COBL: variants seen among roughly 807,000 people sequenced by gnomAD.
COBL encodes cordon-bleu WH2 repeat protein.
COBL carries 51 observed loss-of-function variants against 98.8 expected under a neutral mutation model. The ratio of observed to expected loss-of-function variants is 0.52; its 90% CI spans 0.41 to 0.65. The LOEUF (loss-of-function observed/expected upper bound fraction) is 0.65, where lower values mean the gene tolerates loss of function less well. Ranked by LOEUF, COBL falls within the 30% of genes least tolerant of loss-of-function variation. COBL has a pLI of 0.00. For synonymous variants in COBL, 634 were observed against 651.7 expected, an observed-to-expected ratio of 0.97 and a Z score of 0.41; for missense variants, 1,617 against 1,617.5, an observed-to-expected ratio of 1.00 and a Z score of 0.01.
At position 51,061,228 on chromosome 7, in the gene COBL, GTT is replaced by G. The variant is rs1791321793; in HGVS notation, c.1097-17538_1097-17537del. 1.1e-4 allele frequency among the ~76,000 whole-genome samples: 17 copies of G among 152,180 alleles called. No individual in the cohort carries two copies. The South Asian group carries it at 3.5e-3, about 32-fold the overall frequency. ...TTCCTTCTCATTTTGTTAAGAATAT[GTT>G]TGTGTGTGTGTGTGTGTATATATGT... On this transcript the variant is annotated intron_variant, in intron 7 of 12. Coordinates refer to ENST00000265136, the MANE Select transcript of COBL (RefSeq NM_015198.5).
intron 6 of COBL, among the ~76,000 whole-genome samples, chr7:51,087,321 T>A (rs894704064): frequency 6.6e-6 from 1 of 152,218 alleles, no homozygotes; most frequent in African/African-American, 2.4e-5. Context: ...CTGAGATGTA[T>A]AATGTATATC....
At chr7:51,242,345 A>G (rs1036440552) in intron 1 of COBL, among the ~76,000 whole-genome samples, 6 of 152,134 alleles carry the variant, frequency 3.9e-5, no homozygotes, top group African/African-American at 1.2e-4. Context: ...GCTCGGGTGC[A>G]CTCCAACCCT....
At chr7:51,091,924 A>T (rs1050263743) in intron 6 of COBL, among the ~76,000 whole-genome samples, 4 of 152,238 alleles carry the variant, frequency 2.6e-5, no homozygotes, top group East Asian at 3.8e-4. Flanking sequence ...AATCAAGGAT[A>T]CTTAAAAACT....
chr7:51,187,163 A>G lies in COBL; in HGVS notation c.686-2964T>C, dbSNP rs537105249. On this transcript the variant is annotated intron_variant, in intron 4 of 12. Transcript: ENST00000265136. The stretch of plus-strand genomic sequence containing the variant: ...GATGAAGGACCCTTAAAGACCAACG[A>G]GTCCAAACCACTCACTTGTCTAGAG... Among the ~76,000 whole-genome samples, 11 of 152,252 alleles carry G rather than the reference A, an allele frequency of 7.2e-5. No individual in the cohort carries two copies. In the East Asian group the frequency reaches 2.1e-3, roughly 29 times the overall value.
At chr7:51,036,560 A>G (rs147626775) in intron 8 of COBL, among the ~76,000 whole-genome samples, 1 of 152,050 alleles carries the variant, frequency 6.6e-6, no homozygotes. Flanking sequence ...ACCTCTCACT[A>G]CAGGCCCTCA....
intron 1 of COBL, among the ~76,000 whole-genome samples, chr7:51,264,523 T>A (rs189251451): frequency 6.6e-6 from 1 of 151,482 alleles, no homozygotes; most frequent in Admixed American, 6.6e-5. Context: ...ATACAAAAAT[T>A]AGCCGGTCTT....
rs556285893 is a variant in COBL, at chr7:51,202,263, T to C, written c.246-8674A>G. ...CTAAGATCTAGGGTAAAAATGAATC[T>C]TCTATCCCTAAAATTGTGAAGAAGA... On this transcript the variant is annotated intron_variant, in intron 2 of 12. Transcript: ENST00000265136. Among the ~76,000 whole-genome samples the C allele has an allele frequency of 1.8e-4, 28 of 152,316 alleles. No individual in the cohort carries two copies. The South Asian group carries it at 4.6e-3, about 25-fold the overall frequency.
intron 7 of COBL, among the ~76,000 whole-genome samples, chr7:51,054,510 T>C (rs1218500204): frequency 1.3e-5 from 2 of 152,130 alleles, no homozygotes; most frequent in Non-Finnish European, 2.9e-5. Context: ...TTTTTTTCCT[T>C]TCTGACTGCC....
intron 1 of COBL, among the ~76,000 whole-genome samples, chr7:51,271,537 T>C (rs10234927): frequency 0.048 from 7,263 of 152,230 alleles, 568 homozygotes; most frequent in African/African-American, 0.16. Context: ...AAGCGTAGCA[T>C]GAGTCTCATG....
chr7:51,307,530 G>GC (rs1396275605), intron 1 of COBL, among the ~76,000 whole-genome samples: 1 of 152,110 alleles, frequency 6.6e-6, no homozygotes, highest in East Asian at 1.9e-4. Flanking sequence ...CCAAAATAAG[G>GC]CAAGTCCTTG....
At chr7:51,074,860 A>C (rs1468134742) in intron 7 of COBL, among the ~76,000 whole-genome samples, 1 of 152,230 alleles carries the variant, frequency 6.6e-6, no homozygotes, top group Non-Finnish European at 1.5e-5. Context: ...TACTTATATA[A>C]AGGATAAGTA....
chr7:51,316,603 G>T lies in COBL; in HGVS notation c.31C>A (p.Pro11Thr). MDAPRASAAK[P>T]PTGRKMKARA... ...CGCGGGGCCGCTTACCCGGTCGGGG[G>T]CTTGGCCGCCGAGGCGCGCGGCGCG... is the stretch of plus-strand genomic sequence containing the variant. The change falls in exon 1 of 13, where the codon CCC (proline) becomes ACC (threonine). Residue 11 changes from proline to threonine, a missense_variant. By Grantham distance (38) the Pro-to-Thr change is conservative. Coordinates refer to ENST00000265136, the MANE Select transcript of COBL (RefSeq NM_015198.5). 2 of 1,206,168 alleles carry T rather than the reference G, an allele frequency of 1.7e-6. No individual in the cohort carries two copies. The highest frequency in any genetic ancestry group is 2.1e-6 in the Non-Finnish European group (2 of 971,536). 74.7% of individuals were successfully genotyped at this position (1,206,168 alleles called of 1,614,324 possible). A position where few individuals can be genotyped will look rare whatever the true frequency, so the allele number is the denominator to read the frequency against.
At chr7:51,046,191 T>C (rs1363676120) in intron 7 of COBL, among the ~76,000 whole-genome samples, 1 of 151,748 alleles carries the variant, frequency 6.6e-6, no homozygotes, top group African/African-American at 2.4e-5. Context: ...GCCAAAGGGG[T>C]GGGACCCGTC....
intron 7 of COBL, among the ~76,000 whole-genome samples, chr7:51,083,955 G>A (rs1332783498): frequency 6.6e-6 from 1 of 152,146 alleles, no homozygotes; most frequent in East Asian, 1.9e-4. Context: ...AGGGGCTTTT[G>A]TCCATTTATG....
chr7:51,139,993 T>C (rs967601071), intron 5 of COBL, among the ~76,000 whole-genome samples: 1 of 152,168 alleles, frequency 6.6e-6, no homozygotes, highest in African/African-American at 2.4e-5. Context: ...TGTCAATATA[T>C]ACATGTTTTT....
chr7:51,238,892 T>A (rs1312298844), intron 1 of COBL, among the ~76,000 whole-genome samples: 2 of 152,088 alleles, frequency 1.3e-5, no homozygotes, highest in African/African-American at 4.8e-5. Context: ...GAGCCTCCCC[T>A]CCACCCAGCT....
At chr7:51,101,930 G>A (rs994848411) in intron 6 of COBL, among the ~76,000 whole-genome samples, 3 of 152,106 alleles carry the variant, frequency 2.0e-5, no homozygotes, top group Admixed American at 6.5e-5. Flanking sequence ...ATTAGAAGGT[G>A]GAGCCTTTGG....
intron 7 of COBL, among the ~76,000 whole-genome samples, chr7:51,082,640 G>A (rs559387690): frequency 4.0e-5 from 6 of 151,710 alleles, no homozygotes; most frequent in African/African-American, 1.2e-4. Flanking sequence ...GCTAACTTAC[G>A]AAGGACGTCC....
At chr7:51,156,869 G>A (rs1786199878) in intron 5 of COBL, among the ~76,000 whole-genome samples, 2 of 152,112 alleles carry the variant, frequency 1.3e-5, no homozygotes, top group African/African-American at 2.4e-5. Context: ...TAGAAACACA[G>A]GTGCCCCTAA....
Sources: allele counts gnomAD v4.1 joint callset (sites outside exome capture counted in the v4.1 genomes callset), GRCh38; gene constraint gnomAD v4.1.1; transcripts MANE v1.5; gene names NCBI Gene and HGNC (gene_info 2026-07-23, HGNC 2026-07-21).